Variants in UBE4B observed in about 807,000 individuals in gnomAD.
UBE4B encodes the protein ubiquitin conjugation factor E4 B.
In UBE4B, 27 loss-of-function variants were observed where a neutral mutation model predicts 148.1. That is an observed-to-expected ratio of 0.18 (90% confidence interval 0.13 to 0.25). The LOEUF (loss-of-function observed/expected upper bound fraction) is 0.25. Among genes scored for constraint, UBE4B ranks in the 10% least tolerant of loss-of-function variants. The pLI is 1.00. For missense variants in UBE4B, 1,170 were observed against 1,662.4 expected (o/e 0.70, Z 5.15); for synonymous variants, 596 against 619.3 (o/e 0.96, Z 0.56).
intron 1 of UBE4B, among the ~76,000 whole-genome samples, chr1:10,054,082 G>C (rs1397696315): frequency 6.6e-6 from 1 of 151,758 alleles, no homozygotes; most frequent in African/African-American, 2.4e-5. Context: ...TAAAAAAAAA[G>C]ACAGGATTTT....
At chr1:10,117,040 G>A (rs1276560631) in intron 7 of UBE4B, among the ~76,000 whole-genome samples, 4 of 152,170 alleles carry the variant, frequency 2.6e-5, no homozygotes, top group Non-Finnish European at 4.4e-5. Flanking sequence ...AAGTCACAAA[G>A]ATGAGGGCTA....
intron 3 of UBE4B, among the ~76,000 whole-genome samples, chr1:10,098,253 G>A (rs1333773503): frequency 6.6e-6 from 1 of 152,156 alleles, no homozygotes; most frequent in African/African-American, 2.4e-5. Context: ...AGGATGCATT[G>A]ATATTAGAAA....
chr1:10,132,060 G>A (rs568797266), intron 14 of UBE4B, among the ~76,000 whole-genome samples: 56 of 152,226 alleles, frequency 3.7e-4, no homozygotes, highest in Non-Finnish European at 6.2e-4. Flanking sequence ...AACCTGGGAG[G>A]CGCAGGTTGC....
intron 2 of UBE4B, among the ~76,000 whole-genome samples, chr1:10,079,449 C>T (rs1004599896): frequency 2.0e-5 from 3 of 151,980 alleles, no homozygotes; most frequent in Non-Finnish European, 2.9e-5. Flanking sequence ...TGTGAGCCAC[C>T]GCACCCGACC....
intron 2 of UBE4B, among the ~76,000 whole-genome samples, chr1:10,088,744 A>T (rs1448974876): frequency 6.7e-6 from 1 of 148,934 alleles, no homozygotes; most frequent in Non-Finnish European, 1.5e-5. Flanking sequence ...CAGTGACGCA[A>T]TCATGGCTCA....
chr1:10,165,265 C>T (rs1043357799), intron 23 of UBE4B, among the ~76,000 whole-genome samples: 1 of 152,084 alleles, frequency 6.6e-6, no homozygotes, highest in Non-Finnish European at 1.5e-5. Context: ...TGCTCAGGCT[C>T]GATGCTTTGG....
intron 21 of UBE4B, among the ~76,000 whole-genome samples, chr1:10,152,698 C>T (rs1006755611): frequency 5.3e-5 from 8 of 151,584 alleles, no homozygotes; most frequent in Admixed American, 1.3e-4. Context: ...CTCAGGAGGC[C>T]GAGGCACGAG....
intron 1 of UBE4B, among the ~76,000 whole-genome samples, chr1:10,046,854 G>A (rs529929673): frequency 1.2e-4 from 19 of 152,116 alleles, no homozygotes; most frequent in Admixed American, 6.5e-5. Context: ...TGTAGACCGC[G>A]GACATTCCTC....
At chr1:10,125,688 A>G (rs948915964) in intron 10 of UBE4B, among the ~76,000 whole-genome samples, 6 of 152,162 alleles carry the variant, frequency 3.9e-5, no homozygotes, top group Admixed American at 3.3e-4. Flanking sequence ...ATCCCAACCA[A>G]CTCCCTAAAT....
At chr1:10,077,637 AG>A (rs1644606433) in intron 2 of UBE4B, among the ~76,000 whole-genome samples, 1 of 152,222 alleles carries the variant, frequency 6.6e-6, no homozygotes, top group Admixed American at 6.5e-5. Context: ...TTAGAAGCGA[AG>A]TAAGATTTGA....
chr1:10,138,037 C>T lies in UBE4B; in HGVS notation c.2363+832C>T, dbSNP rs368072349. 5.0e-4 allele frequency among the ~76,000 whole-genome samples: 69 copies of T among 138,184 alleles called. 2 individuals carry two copies. The East Asian group carries it at 0.012, about 23-fold the overall frequency. 90.7% of individuals were successfully genotyped at this position (138,184 alleles called of 152,430 possible). ...GCAACCTCTGCCTCCCAGGTTCAAG[C>T]GATTCTCCTGCTTCAGCCTCCCGAG... On this transcript the variant is annotated intron_variant, in intron 17 of 27. Coordinates refer to ENST00000343090, the MANE Select transcript of UBE4B (RefSeq NM_001105562.3).
At position 10,106,121 on chromosome 1, in the gene UBE4B, A is replaced by AT; in HGVS notation, c.810-72dup. 6.8e-7 allele frequency: 1 copy of AT among 1,462,858 alleles called. No homozygotes were observed. Among genetic ancestry groups the AT allele is most frequent in the Non-Finnish European group, 9.2e-7 (1 of 1,088,504 alleles). 90.6% of individuals were successfully genotyped at this position (1,462,858 alleles called of 1,614,324 possible). A position where few individuals can be genotyped will look rare whatever the true frequency, so the allele number is the denominator to read the frequency against. On this transcript the variant is annotated intron_variant, in intron 6 of 27. Transcript: ENST00000343090. This position sits in a 1 kb window ranked among gnomAD's most constrained non-coding sequence, Gnocchi z 4.2. ...AATGATTCTCCTTTAAAAGCTTGAT[A>AT]TTTTCTGTTTTAGTTAGTTATCTCA...
chr1:10,126,502 ATGGGTTTTGTTGAATTAC>A (rs1437533307), intron 10 of UBE4B, among the ~76,000 whole-genome samples: 13 of 152,172 alleles, frequency 8.5e-5, no homozygotes, highest in South Asian at 6.2e-4. Context: ...CTCCAAATGT[ATGGGTTTTGTTGAATTAC>A]TGGGTTTTGT....
At position 10,151,545 on chromosome 1, in the gene UBE4B, G is replaced by A. The variant is rs779237984; in HGVS notation, c.2910G>A (p.Leu970=). The A allele has an allele frequency of 6.2e-7, 1 of 1,614,000 alleles. No individual in the cohort carries two copies. The highest frequency in any genetic ancestry group is 8.5e-7 in the Non-Finnish European group (1 of 1,179,954). Residue 970 remains leucine, a synonymous_variant, in exon 21 of 28, where the codon CTG becomes CTA. Coordinates refer to ENST00000343090, the MANE Select transcript of UBE4B (RefSeq NM_001105562.3). ...CCACCAAGTTGTTGGTACCTTCCCT[G>A]ATGAAGTTTTATACAGGTAGGTTGC... ...PLSTKLLVPS[L]MKFYTDVEHT... is the part of the protein sequence containing the mutation.
intron 1 of UBE4B, among the ~76,000 whole-genome samples, chr1:10,066,652 T>C (rs1189395716): frequency 2.0e-5 from 3 of 152,032 alleles, no homozygotes; most frequent in Non-Finnish European, 4.4e-5. Context: ...ACGCTTGTAA[T>C]CCCAGCACTT....
rs765367588 is a variant in UBE4B, at chr1:10,105,522, C to G, written c.587C>G (p.Ser196Cys). 1.9e-6 allele frequency: 3 copies of G among 1,613,996 alleles called. No individual in the cohort carries two copies. The East Asian group carries it at 6.7e-5, about 36-fold the overall frequency. ...TGTTCTGCCTTTCCAACAGTATTCT[C>G]CGATTTTAAGGACTTGATTGGCCAG... is the stretch of plus-strand genomic sequence containing the variant. ...QFKQNPKEVFSDFKDLIGQIL... is the reference protein window; with the variant it reads ...QFKQNPKEVFCDFKDLIGQIL... The change falls in exon 6 of 28, where the codon TCC (serine) becomes TGC (cysteine). Residue 196 changes from serine to cysteine, a missense_variant. By Grantham distance (112) the Ser-to-Cys change is moderately radical. Around this residue, in one of 6 missense-constraint regions of UBE4B, gnomAD observed 91 missense variants for 120.5 expected, o/e 0.76. Coordinates refer to ENST00000343090, the MANE Select transcript of UBE4B (RefSeq NM_001105562.3).
At chr1:10,172,808 CAT>C (rs1296204996) in intron 25 of UBE4B, among the ~76,000 whole-genome samples, 7 of 152,134 alleles carry the variant, frequency 4.6e-5, no homozygotes, top group Admixed American at 6.5e-5. Flanking sequence ...AATACATAGT[CAT>C]GTGCTGTTTC....
intron 18 of UBE4B, chr1:10,145,292 T>A: frequency 3.7e-6 from 1 of 270,024 alleles, no homozygotes; most frequent in South Asian, 9.0e-5. Context: ...GTTTTATGAT[T>A]CTCAGTTTAA....
At chr1:10,083,079 TGTCTTTGCTATTGTAAATA>T (rs1410381762) in intron 2 of UBE4B, among the ~76,000 whole-genome samples, 9 of 152,200 alleles carry the variant, frequency 5.9e-5, no homozygotes, top group Non-Finnish European at 1.3e-4. Flanking sequence ...GTTGGTTCCA[TGTCTTTGCTATTGTAAATA>T]GTGCTATCGT....
Sources: allele counts gnomAD v4.1 joint callset (sites outside exome capture counted in the v4.1 genomes callset), GRCh38; gene constraint gnomAD v4.1.1; regional missense constraint gnomAD v4.1.1; non-coding constraint Gnocchi (gnomAD v3.1); transcripts MANE v1.5; gene names NCBI Gene and HGNC (gene_info 2026-07-23, HGNC 2026-07-21).